Variants in LRRC2 observed in about 807,000 individuals in gnomAD.
The protein encoded by LRRC2 is leucine-rich repeat-containing protein 2.
Under a neutral mutation model 40.2 loss-of-function variants are expected in LRRC2, and 27 were observed. That is an observed-to-expected ratio of 0.67 (90% confidence interval 0.49 to 0.93). The LOEUF is 0.93. Ranked by LOEUF, LRRC2 falls within the 40% of genes least tolerant of loss-of-function variation. The pLI is 0.00. For missense variants in LRRC2, 402 were observed against 439.6 expected (o/e 0.91, Z 0.76); for synonymous variants, 147 against 158.9 (o/e 0.92, Z 0.56).
At chr3:46,545,348 C>T (rs1283891319) in intron 2 of LRRC2, 95 bp from the exon 3 acceptor site, 2 of 1,035,316 alleles carry the variant, frequency 1.9e-6, no homozygotes, top group Admixed American at 2.1e-5. Flanking sequence ...AGGTGCTCTC[C>T]TTGTCATTCC....
chr3:46,537,910 A>G (rs752026163), intron 4 of LRRC2, among the ~76,000 whole-genome samples: 1 of 152,262 alleles, frequency 6.6e-6, no homozygotes, highest in African/African-American at 2.4e-5. Context: ...GCACATATAC[A>G]TCACAGCTGA....
chr3:46,532,739 A>T, intron 5 of LRRC2, 34 bp downstream of exon 5: 2 of 1,600,876 alleles, frequency 1.2e-6, no homozygotes, highest in Non-Finnish European at 1.7e-6. Flanking sequence ...ACCAAATAAA[A>T]GTGAATCGTA....
At chr3:46,532,713 C>T in intron 5 of LRRC2, 60 bp downstream of exon 5, 1 of 1,538,798 alleles carries the variant, frequency 6.5e-7, no homozygotes, top group Non-Finnish European at 8.8e-7. Flanking sequence ...ATATTATAGA[C>T]CATTCTATGT....
chr3:46,564,558 C>T (rs577103952), intron 1 of LRRC2, among the ~76,000 whole-genome samples: 4 of 152,068 alleles, frequency 2.6e-5, no homozygotes, highest in Non-Finnish European at 4.4e-5. Context: ...TGGGAGGAGA[C>T]TCAACAAAGT....
At chr3:46,529,363 G>A (rs986265396) in intron 6 of LRRC2, among the ~76,000 whole-genome samples, 10 of 152,100 alleles carry the variant, frequency 6.6e-5, no homozygotes, top group African/African-American at 2.4e-4. Flanking sequence ...GATTGCTTGT[G>A]CCCAGGAGTT....
chr3:46,534,701 C>A lies in LRRC2; in HGVS notation c.491-1792G>T, dbSNP rs567343179. ...GCACCACTCATTGTCATTCTTAATT[C>A]CTTGATGTCAAATGTCAAAAATAAC... On this transcript the variant is annotated intron_variant, in intron 4 of 8. Coordinates refer to ENST00000395905, the MANE Select transcript of LRRC2 (RefSeq NM_024512.5). Among the ~76,000 whole-genome samples, 12 of 152,164 alleles carry A rather than the reference C, an allele frequency of 7.9e-5. No homozygotes were observed. The South Asian group carries it at 2.5e-3, about 32-fold the overall frequency.
At chr3:46,521,940 ACCT>A (rs967328846) in intron 7 of LRRC2, among the ~76,000 whole-genome samples, 9 of 152,088 alleles carry the variant, frequency 5.9e-5, no homozygotes, top group African/African-American at 1.7e-4. Flanking sequence ...GGACACTAAC[ACCT>A]CCTCTCAGGC....
In LRRC2 at chr3:46,539,896, C is replaced by T. The variant is rs150989512; in HGVS notation, c.334-695G>A. Reference sequence around the variant, plus strand: ...GTCCAGCTGAAGAAATCTAATTCACCGAGAGTTACCGAGCCCCCATTGCAG... The same window carrying T: ...GTCCAGCTGAAGAAATCTAATTCACTGAGAGTTACCGAGCCCCCATTGCAG... On this transcript the variant is annotated intron_variant, in intron 3 of 8. Coordinates refer to ENST00000395905, the MANE Select transcript of LRRC2 (RefSeq NM_024512.5). Among the ~76,000 whole-genome samples, 379 of 152,228 alleles carry T rather than the reference C, an allele frequency of 2.5e-3. 4 individuals carry two copies. Among genetic ancestry groups the T allele is most frequent in the African/African-American group, 7.8e-3 (324 of 41,532 alleles).
intron 3 of LRRC2, among the ~76,000 whole-genome samples, chr3:46,541,105 G>A (rs545773225): frequency 1.5e-3 from 232 of 152,156 alleles, no homozygotes; most frequent in African/African-American, 5.2e-3. Context: ...AGGCCGAGGC[G>A]GGCAGATCAC....
intron 7 of LRRC2, 29 bp from the exon 8 acceptor site, chr3:46,521,687 A>G (rs751916056): frequency 6.3e-7 from 1 of 1,585,498 alleles, no homozygotes; most frequent in East Asian, 2.2e-5. Flanking sequence ...GAAGTATCAC[A>G]TTATCACCTG....
chr3:46,527,681 AT>A, intron 6 of LRRC2, 100 bp from the exon 7 acceptor site: 1 of 1,003,396 alleles, frequency 1.0e-6, no homozygotes, highest in African/African-American at 1.6e-5. Flanking sequence ...TCCCTACTTT[AT>A]TTTATACATG....
intron 1 of LRRC2, among the ~76,000 whole-genome samples, chr3:46,553,965 G>A (rs1473918706): frequency 6.6e-6 from 1 of 152,038 alleles, no homozygotes; most frequent in Non-Finnish European, 1.5e-5. Context: ...TGATGTCTGA[G>A]ACTGCCTTTG....
At chr3:46,550,919 T>G (rs1263256995) in intron 2 of LRRC2, among the ~76,000 whole-genome samples, 1 of 152,240 alleles carries the variant, frequency 6.6e-6, no homozygotes, top group Non-Finnish European at 1.5e-5. Flanking sequence ...TTCTACCTTG[T>G]AGATTTTCCA....
chr3:46,551,902 G>T (rs1236808632), intron 1 of LRRC2, among the ~76,000 whole-genome samples: 3 of 151,912 alleles, frequency 2.0e-5, no homozygotes, highest in African/African-American at 4.8e-5. Context: ...CTGGGCTCAG[G>T]CAATCTTCCT....
At chr3:46,534,628 A>C (rs2107003519) in intron 4 of LRRC2, among the ~76,000 whole-genome samples, 1 of 152,274 alleles carries the variant, frequency 6.6e-6, no homozygotes, top group Non-Finnish European at 1.5e-5. Flanking sequence ...TAGCTATTTT[A>C]AATCCATATA....
intron 5 of LRRC2, among the ~76,000 whole-genome samples, chr3:46,530,927 A>C (rs1264932265): frequency 6.6e-6 from 1 of 152,228 alleles, no homozygotes; most frequent in Non-Finnish European, 1.5e-5. Context: ...AGAGAGTTAG[A>C]GTGACTATAT....
chr3:46,534,483 T>C (rs1190130972), intron 4 of LRRC2, among the ~76,000 whole-genome samples: 1 of 151,522 alleles, frequency 6.6e-6, no homozygotes, highest in East Asian at 1.9e-4. Flanking sequence ...TTTCTTTCTT[T>C]CTTTCTAGCA....
In LRRC2 at chr3:46,543,926, T is replaced by C. The variant is rs1408527935; in HGVS notation, c.333+1120A>G. ...ATAACCTCTTGCATTTTTGGAGAAC[T>C]GTATACTTTACAGAATATTCATGCA... On this transcript the variant is annotated intron_variant, in intron 3 of 8. Coordinates refer to ENST00000395905, the MANE Select transcript of LRRC2 (RefSeq NM_024512.5). 4.4e-5 allele frequency among the ~76,000 whole-genome samples: 6 copies of C among 135,776 alleles called. No individual in the cohort carries two copies. In the East Asian group the frequency reaches 6.5e-4, roughly 15 times the overall value. 89.1% of individuals were successfully genotyped at this position (135,776 alleles called of 152,430 possible).
intron 1 of LRRC2, chr3:46,559,681 A>G (rs1704892600): frequency 1.3e-5 from 2 of 152,226 alleles, no homozygotes; most frequent in Non-Finnish European, 2.9e-5. Context: ...ATATTTGATC[A>G]TGTCAACAAA....
Sources: allele counts gnomAD v4.1 joint callset (sites outside exome capture counted in the v4.1 genomes callset), GRCh38; gene constraint gnomAD v4.1.1; transcripts MANE v1.5; gene names NCBI Gene and HGNC (gene_info 2026-07-23, HGNC 2026-07-21).